The following HDAC4 variants were observed in gnomAD, a reference collection of about 807,000 sequenced individuals.
The protein encoded by HDAC4 is histone deacetylase A.
Under a neutral mutation model 135.1 loss-of-function variants are expected in HDAC4, and 16 were observed. That is an observed-to-expected ratio of 0.12 (90% CI 0.08 to 0.18). HDAC4 has a LOEUF of 0.18. HDAC4 is among the 10% of genes least tolerant of loss of function. The pLI is 1.00. For missense variants in HDAC4, 1,143 were observed against 1,511.8 expected (o/e 0.76, Z 4.05); for synonymous variants, 685 against 653.4 (o/e 1.05, Z -0.74).
Position 239,256,669 on chromosome 2 carries a change from G to A in HDAC4, c.23-20005C>T, listed in dbSNP as rs190425208. ...CTGTTTTTGTGTCCATGACCCTGAA[G>A]CAATGACTAGTTCAGCAGCAGAAGG... On this transcript the variant is annotated intron_variant, in intron 2 of 26. Transcript: ENST00000543185. Among the ~76,000 whole-genome samples the A allele has an allele frequency of 5.3e-4, 81 of 152,366 alleles. 1 individual carries two copies. The highest frequency in any genetic ancestry group is 2.2e-3 in the Admixed American group (34 of 15,308).
chr2:239,162,164 T>C (rs1221916372), intron 6 of HDAC4: 1 of 456,712 alleles, frequency 2.2e-6, no homozygotes, highest in Non-Finnish European at 4.4e-6. Context: ...CGCTGCAGCC[T>C]CCCAGACTCT....
rs2033828935 is a variant in HDAC4 at position 239,068,616 on chromosome 2, G to A, written c.2751-9C>T. 6.2e-7 allele frequency: 1 copy of A among 1,608,620 alleles called. No individual in the cohort carries two copies. Among genetic ancestry groups the A allele is most frequent in the Non-Finnish European group, 8.5e-7 (1 of 1,175,246 alleles). ...TCGGCATGACCACCGTTCTGCAAAG[G>A]ACAGGAGAAGGCGTTACTGGGTCAG... is the stretch of plus-strand genomic sequence containing the variant. On this transcript the variant is annotated splice_polypyrimidine_tract_variant and intron_variant, in intron 22 of 26. Coordinates refer to ENST00000543185, the MANE Select transcript of HDAC4 (RefSeq NM_001378414.1). This position sits in a 1 kb window ranked among gnomAD's most constrained non-coding sequence, Gnocchi z 4.4.
chr2:239,163,929 G>A lies in HDAC4; in HGVS notation c.491-6C>T, dbSNP rs182509268. ...TTCTGTGCTGGCCACGGCACCTGGCGTGGGAGAAAGCATAGCAGGGGGTGA... is the reference window on the plus strand; with the variant it reads ...TTCTGTGCTGGCCACGGCACCTGGCATGGGAGAAAGCATAGCAGGGGGTGA... On this transcript the variant is annotated splice_polypyrimidine_tract_variant and splice_region_variant and intron_variant, in intron 5 of 26. Coordinates refer to ENST00000543185, the MANE Select transcript of HDAC4 (RefSeq NM_001378414.1). 207 of 1,614,018 alleles carry A rather than the reference G, an allele frequency of 1.3e-4. No homozygotes were observed. In the South Asian group the frequency reaches 1.9e-3, roughly 15 times the overall value.
In HDAC4 at chr2:239,115,479, TG is replaced by T. The variant is rs1442348583; in HGVS notation, c.1534-170del. 2.0e-5 allele frequency among the ~76,000 whole-genome samples: 3 copies of T among 152,128 alleles called. No individual in the cohort carries two copies. Among genetic ancestry groups the T allele is most frequent in the Non-Finnish European group, 2.9e-5 (2 of 68,012 alleles). ...GGCACCTTTATCTCCCAACAGGCAC[TG>T]GGGTGCCTGAGTGCCTAAGAAAATA... On this transcript the variant is annotated intron_variant, in intron 12 of 26. Transcript: ENST00000543185. The surrounding 1 kb of genome is among the most constrained non-coding windows in gnomAD (Gnocchi z 6.3).
chr2:239,339,934 C>A (rs10170311), intron 2 of HDAC4, among the ~76,000 whole-genome samples: 2 of 151,984 alleles, frequency 1.3e-5, no homozygotes, highest in Non-Finnish European at 1.5e-5. Flanking sequence ...GGGCCACCGG[C>A]CTTTGTGACT....
Position 239,068,909 on chromosome 2 carries a change from T to C in HDAC4, c.2751-302A>G, listed in dbSNP as rs1381161208. 5 of 301,982 alleles carry C rather than the reference T, an allele frequency of 1.7e-5. No individual in the cohort carries two copies. 18.7% of individuals were successfully genotyped at this position (301,982 alleles called of 1,614,324 possible). On this transcript the variant is annotated intron_variant, in intron 22 of 26. Coordinates refer to ENST00000543185, the MANE Select transcript of HDAC4 (RefSeq NM_001378414.1). The surrounding 1 kb of genome is among the most constrained non-coding windows in gnomAD (Gnocchi z 4.4). ...AGCAAGCCCCACTGCACTTGCTTGG[T>C]GAGAGGGAGTCACGGTGCAAGCCAG...
In HDAC4 at chr2:239,321,464, C is replaced by CAAA. The variant is rs10530231; in HGVS notation, c.22+31211_22+31213dup. 5.0e-4 allele frequency among the ~76,000 whole-genome samples: 28 copies of CAAA among 56,298 alleles called. 2 individuals carry two copies. Among genetic ancestry groups the CAAA allele is most frequent in the African/African-American group, 1.3e-3 (23 of 17,268 alleles). 36.9% of individuals were successfully genotyped at this position (56,298 alleles called of 152,430 possible). On this transcript the variant is annotated intron_variant, in intron 2 of 26. Transcript: ENST00000543185. ...TGGGTGAAAGAGCAAGACTCCGTCT[C>CAAA]AAAAAAAAAAAAAAAAAAAAAAAAA...
chr2:239,209,796 C>T (rs2046261540), intron 3 of HDAC4, among the ~76,000 whole-genome samples: 1 of 152,202 alleles, frequency 6.6e-6, no homozygotes, highest in South Asian at 2.1e-4. Context: ...TCCTATAAAG[C>T]CGCCAGAAGG....
intron 2 of HDAC4, among the ~76,000 whole-genome samples, chr2:239,312,350 G>T (rs2052922107): frequency 6.6e-6 from 1 of 152,180 alleles, no homozygotes; most frequent in Non-Finnish European, 1.5e-5. Flanking sequence ...CCGCCAAGAG[G>T]CCTGCTGCCC....
intron 1 of HDAC4, among the ~76,000 whole-genome samples, chr2:239,388,155 G>C (rs952607505): frequency 6.6e-6 from 1 of 152,206 alleles, no homozygotes; most frequent in African/African-American, 2.4e-5. Context: ...CCTGGGGTTG[G>C]GGAAAGGCTG....
At chr2:239,075,878 G>A (rs930396782) in intron 22 of HDAC4, among the ~76,000 whole-genome samples, 4 of 152,088 alleles carry the variant, frequency 2.6e-5, no homozygotes, top group East Asian at 1.9e-4. Flanking sequence ...AAGCTGGGCC[G>A]GGATAGCAGG....
At chr2:239,161,139 C>A (rs973247518) in intron 6 of HDAC4, among the ~76,000 whole-genome samples, 2 of 152,254 alleles carry the variant, frequency 1.3e-5, no homozygotes, top group African/African-American at 4.8e-5. Flanking sequence ...AAGTGGGCGG[C>A]TTGTCTTTTT....
chr2:239,377,351 G>C (rs1032870992), intron 1 of HDAC4, among the ~76,000 whole-genome samples: 2 of 152,148 alleles, frequency 1.3e-5, no homozygotes, highest in African/African-American at 4.8e-5. Flanking sequence ...AAATGTCCAG[G>C]GCCTCTGACT....
intron 2 of HDAC4, among the ~76,000 whole-genome samples, chr2:239,338,176 AC>A (rs1260734794): frequency 6.6e-6 from 1 of 152,172 alleles, no homozygotes; most frequent in Non-Finnish European, 1.5e-5. Context: ...CACCAGCTGG[AC>A]GTGTTTTATC....
At position 239,240,048 on chromosome 2, in the gene HDAC4, T is replaced by G. The variant is rs2048090166; in HGVS notation, c.23-3384A>C. Among the ~76,000 whole-genome samples, 2 of 152,252 alleles carry G rather than the reference T, an allele frequency of 1.3e-5. No individual in the cohort carries two copies. Among genetic ancestry groups the G allele is most frequent in the African/African-American group, 4.8e-5 (2 of 41,462 alleles). On this transcript the variant is annotated intron_variant, in intron 2 of 26. Transcript: ENST00000543185. The surrounding 1 kb of genome is among the most constrained non-coding windows in gnomAD (Gnocchi z 4.5). ...TCGTCCACCTGGACAGCATGACAGA[T>G]GCCGCATCCCTCATTATGAAAGGCT...
At chr2:239,351,442 G>GA in intron 2 of HDAC4, among the ~76,000 whole-genome samples, 1 of 152,290 alleles carries the variant, frequency 6.6e-6, no homozygotes, top group South Asian at 2.1e-4. Context: ...TTTAGACACA[G>GA]AAAAAAGATA....
intron 1 of HDAC4, among the ~76,000 whole-genome samples, chr2:239,369,441 C>A (rs1694451756): frequency 6.6e-6 from 1 of 152,156 alleles, no homozygotes; most frequent in Non-Finnish European, 1.5e-5. Context: ...GTCCCGCTAA[C>A]CCGGTTGGTT....
At chr2:239,233,698 A>T (rs865986501) in intron 3 of HDAC4, among the ~76,000 whole-genome samples, 2 of 152,342 alleles carry the variant, frequency 1.3e-5, no homozygotes, top group Middle Eastern at 3.4e-3. Context: ...TGTGTTGAAC[A>T]TAACGGCATT....
At chr2:239,145,887 C>G (rs757888821) in intron 7 of HDAC4, among the ~76,000 whole-genome samples, 2 of 152,210 alleles carry the variant, frequency 1.3e-5, no homozygotes, top group African/African-American at 4.8e-5. Context: ...CAGCCCAGGA[C>G]CTTCTCCACT....
Sources: gnomAD v4.1 joint callset for allele counts (sites outside exome capture counted in the v4.1 genomes callset) on GRCh38, gnomAD v4.1.1 for gene constraint, Gnocchi (gnomAD v3.1) non-coding constraint, MANE v1.5 for transcripts, NCBI Gene and HGNC (gene_info 2026-07-23, HGNC 2026-07-21) for gene names.